ADD1: variants seen among roughly 807,000 people sequenced by gnomAD.
The protein encoded by ADD1 is alpha-adducin.
Under a neutral mutation model 80.5 loss-of-function variants are expected in ADD1, and 24 were observed. The ratio of observed to expected loss-of-function variants is 0.30; its 90% CI spans 0.22 to 0.42. The LOEUF is 0.42. Ranked by LOEUF, ADD1 falls within the 10% of genes least tolerant of loss-of-function variation. ADD1 has a pLI of 1.00. For missense variants in ADD1, 948 were observed against 1,019.0 expected (o/e 0.93, Z 0.95); for synonymous variants, 373 against 393.8 (o/e 0.95, Z 0.63).
At chr4:2,914,674 A>G (rs2109125060) in intron 13 of ADD1, 1 of 501,648 alleles carries the variant, frequency 2.0e-6, no homozygotes, top group Non-Finnish European at 3.5e-6. Context: ...TGTGGTTAAT[A>G]TCTGTTCATC....
chr4:2,885,777 T>G (rs1040069265), intron 4 of ADD1, among the ~76,000 whole-genome samples: 1 of 142,906 alleles, frequency 7.0e-6, no homozygotes, highest in Non-Finnish European at 1.6e-5. Flanking sequence ...GCCTGGCTAA[T>G]TTTTTTGTAT....
intron 1 of ADD1, among the ~76,000 whole-genome samples, chr4:2,862,925 AT>A (rs1224546526): frequency 6.6e-6 from 1 of 152,140 alleles, no homozygotes; most frequent in Non-Finnish European, 1.5e-5. Context: ...CATGAAAATG[AT>A]TGTCATCCTT....
intron 13 of ADD1, among the ~76,000 whole-genome samples, chr4:2,910,783 C>A (rs1737887768): frequency 6.6e-6 from 1 of 152,162 alleles, no homozygotes; most frequent in South Asian, 2.1e-4. Context: ...AGGGTCCGTA[C>A]CTTCTGAACA....
At chr4:2,875,143 C>T (rs944981554) in intron 1 of ADD1, among the ~76,000 whole-genome samples, 13 of 152,080 alleles carry the variant, frequency 8.5e-5, no homozygotes, top group Admixed American at 4.6e-4. Flanking sequence ...GTGGAAGGAT[C>T]ACTTGAGCCT....
chr4:2,886,941 T>C (rs1236195277), intron 4 of ADD1, among the ~76,000 whole-genome samples: 1 of 152,252 alleles, frequency 6.6e-6, no homozygotes, highest in Non-Finnish European at 1.5e-5. Flanking sequence ...CTAACTGTGA[T>C]AACAGCTTCA....
At chr4:2,875,425 T>C (rs969706641) in intron 1 of ADD1, among the ~76,000 whole-genome samples, 3 of 152,184 alleles carry the variant, frequency 2.0e-5, no homozygotes, top group Non-Finnish European at 4.4e-5. Context: ...GTGAGTGGCT[T>C]CTCTTCTGTT....
chr4:2,925,562 T>C (rs1306556431), intron 14 of ADD1, among the ~76,000 whole-genome samples: 1 of 152,136 alleles, frequency 6.6e-6, no homozygotes, highest in African/African-American at 2.4e-5. Context: ...GTTTAAATTA[T>C]TGGGATAAAA....
intron 4 of ADD1, among the ~76,000 whole-genome samples, chr4:2,886,634 G>A (rs1316532571): frequency 1.3e-5 from 2 of 152,098 alleles, no homozygotes; most frequent in Admixed American, 6.5e-5. Flanking sequence ...CCCAGGACCC[G>A]TGGCAAAGAG....
Position 2,875,957 on chromosome 4 carries a change from C to A in ADD1, c.42C>A (p.Pro14=). 1 of 1,613,326 alleles carries A rather than the reference C, an allele frequency of 6.2e-7. No homozygotes were observed. The highest frequency in any genetic ancestry group is 8.5e-7 in the Non-Finnish European group (1 of 1,179,646). Residue 14 remains proline (P), a synonymous_variant, in exon 2 of 16, where the codon CCC becomes CCA. Transcript: ENST00000683351. The part of the protein sequence containing the change: ...DSRAAVVTSP[P]PTTAPHKERY... Reference sequence around the variant, plus strand: ...GTGCTGCGGTGGTGACCTCACCACCCCCGACCACAGCCCCTCACAAGGAGA... The same window carrying A: ...GTGCTGCGGTGGTGACCTCACCACCACCGACCACAGCCCCTCACAAGGAGA...
At chr4:2,884,712 T>C in intron 4 of ADD1, 46 bp downstream of exon 4, 1 of 1,530,292 alleles carries the variant, frequency 6.5e-7, no homozygotes, top group Non-Finnish European at 8.9e-7. Flanking sequence ...TGAAATATTT[T>C]GTGTCTGGCA....
chr4:2,852,181 T>TCTTCCTTTCTTCCTTTCTTC (rs1560138075), intron 1 of ADD1, among the ~76,000 whole-genome samples: 34 of 55,916 alleles, frequency 6.1e-4, no homozygotes, highest in African/African-American at 2.5e-3. Context: ...TTTCTTTCTT[T>TCTTCCTTTCTTCCTTTCTTC]CTTTCTTTCT....
rs199637203 is a variant in ADD1, at chr4:2,928,125, G to A, written c.2048-46G>A. 6.5e-4 allele frequency: 1,003 copies of A among 1,551,350 alleles called. 1 individual carries two copies. The highest frequency in any genetic ancestry group is 7.9e-4 in the Non-Finnish European group (899 of 1,137,392). ...TCCCCCATCTCAAGCTGCCCTTTGAGATCTGGGCAGGAACCCTTAATCCCA... is the reference window on the plus strand; with the variant it reads ...TCCCCCATCTCAAGCTGCCCTTTGAAATCTGGGCAGGAACCCTTAATCCCA... On this transcript the variant is annotated intron_variant, in intron 15 of 15. Transcript: ENST00000683351.
At chr4:2,845,141 C>T (rs890457611) in intron 1 of ADD1, among the ~76,000 whole-genome samples, 1 of 152,060 alleles carries the variant, frequency 6.6e-6, no homozygotes, top group Non-Finnish European at 1.5e-5. Flanking sequence ...GGCGCGATCT[C>T]CAGTCACTGC....
intron 8 of ADD1, 86 bp from the exon 9 acceptor site, chr4:2,899,173 T>A (rs1735755047): frequency 2.9e-6 from 4 of 1,379,776 alleles, no homozygotes; most frequent in Non-Finnish European, 3.0e-6. Flanking sequence ...TTTGGTTTCT[T>A]TTGAAACCTA....
rs1731259479 is a variant in ADD1, at chr4:2,876,165, TC to T, written c.195+56del. ...ATGTCATCTTTCCTTTTCTAATACT[TC>T]AGGTCTTATGCCCTGTTGTATGAGT... On this transcript the variant is annotated intron_variant, in intron 2 of 15. Transcript: ENST00000683351. 9.8e-6 allele frequency: 15 copies of T among 1,533,006 alleles called. No homozygotes were observed. In the South Asian group the frequency reaches 1.9e-4, roughly 19 times the overall value. The allele number at this position is 1,533,006 out of a possible 1,614,324, so 95.0% of individuals were successfully genotyped here. A position where few individuals can be genotyped will look rare whatever the true frequency, so the allele number is the denominator to read the frequency against.
At chr4:2,878,900 G>A (rs954852814) in intron 2 of ADD1, among the ~76,000 whole-genome samples, 1 of 152,162 alleles carries the variant, frequency 6.6e-6, no homozygotes, top group African/African-American at 2.4e-5. Flanking sequence ...GTGAGAAGGT[G>A]TTAGGGTGAT....
chr4:2,926,541 C>A lies in ADD1; in HGVS notation c.2047+429C>A. 7.8e-7 allele frequency: 1 copy of A among 1,276,816 alleles called. No homozygotes were observed. Among genetic ancestry groups the A allele is most frequent in the Non-Finnish European group, 1.1e-6 (1 of 893,694 alleles). 79.1% of individuals were successfully genotyped at this position (1,276,816 alleles called of 1,614,324 possible). On this transcript the variant is annotated intron_variant, in intron 15 of 15. Transcript: ENST00000683351. The surrounding 1 kb of genome is among the most constrained non-coding windows in gnomAD (Gnocchi z 5.0). ...TCGTACATCCATGTCTCTCGTGAAG[C>A]CCGTGGCCCTGCCTTTCTTCTTCTG...
chr4:2,912,481 A>G (rs1560237534), intron 13 of ADD1, among the ~76,000 whole-genome samples: 1 of 152,188 alleles, frequency 6.6e-6, no homozygotes, highest in Non-Finnish European at 1.5e-5. Context: ...GGGCATCAAA[A>G]TTGGGAACAA....
intron 2 of ADD1, among the ~76,000 whole-genome samples, chr4:2,880,877 CATCA>C (rs1190213487): frequency 2.0e-5 from 3 of 151,744 alleles, no homozygotes; most frequent in South Asian, 2.1e-4. Context: ...TTAAAATCAC[CATCA>C]ATCCAATTGC....
Sources: gnomAD v4.1 joint callset for allele counts (sites outside exome capture counted in the v4.1 genomes callset) on GRCh38, gnomAD v4.1.1 for gene constraint, Gnocchi (gnomAD v3.1) non-coding constraint, MANE v1.5 for transcripts, NCBI Gene and HGNC (gene_info 2026-07-23, HGNC 2026-07-21) for gene names.